Variants in LRRFIP2 observed in about 807,000 individuals in gnomAD.
The protein encoded by LRRFIP2 is LRR binding FLII interacting protein 2, also known as leucine-rich repeat flightless-interacting protein 2.
In LRRFIP2, 109 loss-of-function variants were observed where a neutral mutation model predicts 125.9. The ratio of observed to expected loss-of-function variants is 0.87; its 90% CI spans 0.74 to 1.01. The LOEUF (loss-of-function observed/expected upper bound fraction) is 1.01. LRRFIP2 is among the 50% of genes least tolerant of loss of function. LRRFIP2 has a pLI of 0.00. For synonymous variants in LRRFIP2, 291 were observed against 293.1 expected, an observed-to-expected ratio of 0.99 and a Z score of 0.07; for missense variants, 850 against 862.3, an observed-to-expected ratio of 0.99 and a Z score of 0.18.
chr3:37,174,378 C>G (rs1193701902), intron 1 of LRRFIP2, 161 bp downstream of exon 1: 5 of 152,168 alleles, frequency 3.3e-5, no homozygotes, highest in African/African-American at 1.2e-4. Context: ...TGAATCCATT[C>G]CAATCACAAC....
chr3:37,134,931 C>A, intron 2 of LRRFIP2: 1 of 1,385,204 alleles, frequency 7.2e-7, no homozygotes, highest in Non-Finnish European at 1.0e-6. Context: ...TCTAAGATCA[C>A]AGTGGTTGCC....
At chr3:37,150,780 G>T (rs1296540300) in intron 1 of LRRFIP2, among the ~76,000 whole-genome samples, 1 of 152,124 alleles carries the variant, frequency 6.6e-6, no homozygotes, top group African/African-American at 2.4e-5. Flanking sequence ...GAATCACAAA[G>T]AAATTCTCAA....
At chr3:37,117,366 TA>T (rs942164860) in intron 6 of LRRFIP2, among the ~76,000 whole-genome samples, 5 of 151,194 alleles carry the variant, frequency 3.3e-5, no homozygotes, top group South Asian at 2.1e-4. Flanking sequence ...TCAGCTGGTT[TA>T]AAAAAAAATG....
chr3:37,065,290 AG>A (rs756476424), intron 23 of LRRFIP2: 1 of 210,088 alleles, frequency 4.8e-6, no homozygotes, highest in Non-Finnish European at 1.0e-5. Flanking sequence ...TAAATTTAAG[AG>A]GTTTAGACTT....
intron 17 of LRRFIP2, among the ~76,000 whole-genome samples, chr3:37,092,012 A>G (rs1417385691): frequency 6.6e-6 from 1 of 152,212 alleles, no homozygotes; most frequent in Non-Finnish European, 1.5e-5. Flanking sequence ...GAATATGAAC[A>G]AAGTTTTCTT....
chr3:37,073,194 T>C lies in LRRFIP2; in HGVS notation c.1372-312A>G, dbSNP rs1406892393. Among the ~76,000 whole-genome samples the C allele has an allele frequency of 2.6e-5, 4 of 152,240 alleles. No individual in the cohort carries two copies. In the East Asian group the frequency reaches 7.7e-4, roughly 29 times the overall value. ...ACAGCTCCATATGTATATTCTTTCT[T>C]TGATAACTGCCTTTTTACCAAACAA... On this transcript the variant is annotated intron_variant, in intron 20 of 27. Coordinates refer to ENST00000336686, the MANE Select transcript of LRRFIP2 (RefSeq NM_006309.4).
chr3:37,105,102 A>G (rs757194567), intron 14 of LRRFIP2, among the ~76,000 whole-genome samples: 2 of 152,274 alleles, frequency 1.3e-5, no homozygotes, highest in Non-Finnish European at 2.9e-5. Context: ...ATCCATAGTT[A>G]TGAGTTTTAT....
At chr3:37,108,527 T>C (rs2094433433) in intron 12 of LRRFIP2, 110 bp downstream of exon 12, 1 of 865,400 alleles carries the variant, frequency 1.2e-6, no homozygotes. Flanking sequence ...TTAAATGACT[T>C]TTTCTTTGTA....
In LRRFIP2 at chr3:37,055,072, A is replaced by AT; in HGVS notation, c.1950+13dup. On this transcript the variant is annotated intron_variant, in intron 26 of 27. Transcript: ENST00000336686. ...GGACATTTAAATAACTTAGTACCAT[A>AT]TAGAAGTACTTACACTTTGCTCCAA... 1 of 1,540,026 alleles carries AT rather than the reference A, an allele frequency of 6.5e-7. No individual in the cohort carries two copies.
At chr3:37,133,453 T>C (rs1268410044) in intron 2 of LRRFIP2, among the ~76,000 whole-genome samples, 1 of 152,186 alleles carries the variant, frequency 6.6e-6, no homozygotes, top group Non-Finnish European at 1.5e-5. Flanking sequence ...ACACATACTT[T>C]GGATCATTCA....
chr3:37,145,236 T>C (rs929105131), intron 2 of LRRFIP2, among the ~76,000 whole-genome samples: 1 of 152,230 alleles, frequency 6.6e-6, no homozygotes, highest in South Asian at 2.1e-4. Context: ...TTTTAACTCA[T>C]CTTTTTCTGA....
At chr3:37,094,656 C>CT in intron 17 of LRRFIP2, 136 bp downstream of exon 17, 1 of 592,020 alleles carries the variant, frequency 1.7e-6, no homozygotes. Context: ...TTGAGTCACA[C>CT]TTTTGTACAG....
intron 14 of LRRFIP2, among the ~76,000 whole-genome samples, chr3:37,104,640 G>A (rs1346156909): frequency 1.3e-5 from 2 of 152,086 alleles, no homozygotes; most frequent in African/African-American, 2.4e-5. Flanking sequence ...CCGGAACAAT[G>A]TATTTTCCAA....
intron 19 of LRRFIP2, among the ~76,000 whole-genome samples, chr3:37,078,776 C>A (rs1262987317): frequency 6.6e-6 from 1 of 152,112 alleles, no homozygotes; most frequent in Non-Finnish European, 1.5e-5. Flanking sequence ...AGAAAATGTA[C>A]AAGATGAGAC....
At chr3:37,057,534 C>CTTT (rs58257408) in intron 25 of LRRFIP2, among the ~76,000 whole-genome samples, 19 of 144,816 alleles carry the variant, frequency 1.3e-4, no homozygotes, top group African/African-American at 4.0e-4. Flanking sequence ...AGTCTTTTCT[C>CTTT]TTTTTTTTTT....
At chr3:37,135,131 GC>G in intron 2 of LRRFIP2, 1 of 1,235,480 alleles carries the variant, frequency 8.1e-7, no homozygotes, top group East Asian at 2.4e-5. Flanking sequence ...AGAATAACCT[GC>G]ATTATAGCTG....
At chr3:37,167,427 G>A (rs146843098) in intron 1 of LRRFIP2, among the ~76,000 whole-genome samples, 102 of 143,920 alleles carry the variant, frequency 7.1e-4, no homozygotes, top group Admixed American at 1.6e-3. Flanking sequence ...AGGCCGAGGC[G>A]GGCAGATCAC....
chr3:37,152,840 C>T (rs1234104285), intron 1 of LRRFIP2, among the ~76,000 whole-genome samples: 1 of 152,112 alleles, frequency 6.6e-6, no homozygotes, highest in Admixed American at 6.5e-5. Context: ...ACTAGATTGA[C>T]AATTTAGTGA....
intron 2 of LRRFIP2, among the ~76,000 whole-genome samples, chr3:37,138,095 T>C (rs1332563808): frequency 6.6e-6 from 1 of 152,216 alleles, no homozygotes; most frequent in Non-Finnish European, 1.5e-5. Flanking sequence ...TGGAATTAAT[T>C]TACCTGAAGC....
Sources: gnomAD v4.1 joint callset for allele counts (sites outside exome capture counted in the v4.1 genomes callset) on GRCh38, gnomAD v4.1.1 for gene constraint, MANE v1.5 for transcripts, NCBI Gene and HGNC (gene_info 2026-07-23, HGNC 2026-07-21) for gene names.